The following PPP1R13B variants were observed in gnomAD, a reference collection of about 807,000 sequenced individuals.
PPP1R13B encodes protein phosphatase 1 regulatory subunit 13B.
A neutral mutation model predicts 119.8 loss-of-function variants in PPP1R13B; 44 were observed. The ratio of observed to expected loss-of-function variants is 0.37; its 90% CI spans 0.29 to 0.47. The LOEUF (loss-of-function observed/expected upper bound fraction) is 0.47, where lower values mean the gene tolerates loss of function less well. PPP1R13B is among the 20% of genes least tolerant of loss of function. The pLI is 0.99. For synonymous variants in PPP1R13B, 542 were observed against 561.5 expected (o/e 0.97, Z 0.49); for missense variants, 1,227 against 1,413.5 (o/e 0.87, Z 2.12).
chr14:103,829,815 T>C lies in PPP1R13B; in HGVS notation c.9+17484A>G, dbSNP rs150638294. 9.7e-4 allele frequency among the ~76,000 whole-genome samples: 147 copies of C among 152,224 alleles called. 3 individuals carry two copies. The East Asian group carries it at 0.021, about 22-fold the overall frequency. ...TTTTTTTTTAAACGCAGTCTCCCTC[T>C]GTCACCAGGCTGGAGTGCAGTGGCA... On this transcript the variant is annotated intron_variant, in intron 1 of 16. Coordinates refer to ENST00000202556, the MANE Select transcript of PPP1R13B (RefSeq NM_015316.3).
intron 4 of PPP1R13B, among the ~76,000 whole-genome samples, chr14:103,774,893 T>C (rs955189283): frequency 2.0e-5 from 3 of 152,228 alleles, no homozygotes; most frequent in Admixed American, 6.5e-5. Flanking sequence ...GTAACATCTT[T>C]GATGTGATGC....
At chr14:103,776,094 A>AT (rs1207670541) in intron 4 of PPP1R13B, among the ~76,000 whole-genome samples, 1 of 150,584 alleles carries the variant, frequency 6.6e-6, no homozygotes, top group African/African-American at 2.4e-5. Flanking sequence ...ATATACAAAT[A>AT]TTGTCAACCT....
chr14:103,734,758 G>A lies in PPP1R13B; in HGVS notation c.*396C>T, dbSNP rs758425754. 42 of 464,850 alleles carry A rather than the reference G, an allele frequency of 9.0e-5. No individual in the cohort carries two copies. The highest frequency in any genetic ancestry group is 1.3e-4 in the Non-Finnish European group (31 of 232,630). The allele number at this position is 464,850 out of a possible 1,614,324, so 28.8% of individuals were successfully genotyped here. ...CGGGGGGCAGGGCGGTCGCAGGGGA[G>A]CAGGCCTCACAGCGGCGGACAGTGT... On this transcript the variant is annotated 3_prime_UTR_variant, in exon 17 of 17. Transcript: ENST00000202556.
At chr14:103,836,298 G>A (rs934189205) in intron 1 of PPP1R13B, among the ~76,000 whole-genome samples, 3 of 151,176 alleles carry the variant, frequency 2.0e-5, no homozygotes, top group African/African-American at 4.9e-5. Context: ...CGCCTGCCTT[G>A]GCCTCCCAAA....
intron 1 of PPP1R13B, among the ~76,000 whole-genome samples, chr14:103,808,921 G>A (rs1015762655): frequency 6.6e-5 from 10 of 151,916 alleles, no homozygotes; most frequent in Non-Finnish European, 1.2e-4. Context: ...CAGGCTGAGC[G>A]CAGCAGCACC....
At chr14:103,755,367 T>A (rs1400417276) in intron 5 of PPP1R13B, among the ~76,000 whole-genome samples, 2 of 152,238 alleles carry the variant, frequency 1.3e-5, no homozygotes, top group African/African-American at 4.8e-5. Flanking sequence ...TTCAATTTGT[T>A]GTGATACTGA....
intron 3 of PPP1R13B, among the ~76,000 whole-genome samples, chr14:103,784,457 C>T (rs1173806203): frequency 6.6e-6 from 1 of 151,562 alleles, no homozygotes; most frequent in Non-Finnish European, 1.5e-5. Flanking sequence ...GTGGTGCACA[C>T]CTGTAGTCCC....
At chr14:103,832,179 CATT>C (rs931035451) in intron 1 of PPP1R13B, among the ~76,000 whole-genome samples, 1 of 151,824 alleles carries the variant, frequency 6.6e-6, no homozygotes, top group Non-Finnish European at 1.5e-5. Flanking sequence ...CTGTCTACAT[CATT>C]GATATTATTT....
At chr14:103,772,963 G>A (rs374838108) in intron 4 of PPP1R13B, among the ~76,000 whole-genome samples, 2 of 152,046 alleles carry the variant, frequency 1.3e-5, no homozygotes, top group East Asian at 1.9e-4. Context: ...CATTGAGCTC[G>A]GCCTATTTCT....
chr14:103,789,402 G>A (rs1416895140), intron 2 of PPP1R13B, among the ~76,000 whole-genome samples: 1 of 151,650 alleles, frequency 6.6e-6, no homozygotes, highest in Non-Finnish European at 1.5e-5. Context: ...ATTTAGTAGA[G>A]ATGGGGTTTC....
intron 1 of PPP1R13B, among the ~76,000 whole-genome samples, chr14:103,827,508 G>A (rs1002564650): frequency 3.2e-4 from 49 of 151,800 alleles, no homozygotes; most frequent in African/African-American, 1.1e-3. Context: ...CTTCTCCTCT[G>A]AATATTAGCC....
chr14:103,807,596 G>A (rs1039907129), intron 1 of PPP1R13B, among the ~76,000 whole-genome samples: 3 of 151,992 alleles, frequency 2.0e-5, no homozygotes, highest in Non-Finnish European at 2.9e-5. Context: ...CCGGGTTCAC[G>A]CCATTCTCCT....
chr14:103,839,730 T>C (rs1393106431), intron 1 of PPP1R13B, among the ~76,000 whole-genome samples: 3 of 151,784 alleles, frequency 2.0e-5, no homozygotes, highest in Non-Finnish European at 4.4e-5. Flanking sequence ...TGACTTCACC[T>C]CCTCCACTTT....
At chr14:103,817,972 T>A (rs1279183638) in intron 1 of PPP1R13B, among the ~76,000 whole-genome samples, 1 of 152,038 alleles carries the variant, frequency 6.6e-6, no homozygotes, top group Non-Finnish European at 1.5e-5. Flanking sequence ...CAGGAAATAA[T>A]CTTTACCCAA....
intron 1 of PPP1R13B, among the ~76,000 whole-genome samples, chr14:103,837,984 T>A (rs1340210426): frequency 6.6e-6 from 1 of 152,090 alleles, no homozygotes; most frequent in African/African-American, 2.4e-5. Context: ...CCAGGCATGG[T>A]GGCGCACACC....
At position 103,740,471 on chromosome 14, in the gene PPP1R13B, G is replaced by C; in HGVS notation, c.1945C>G (p.Pro649Ala). Residue 649 changes from proline to alanine, a missense_variant, in exon 12 of 17, where the codon CCT becomes GCT. By Grantham distance (27) the Pro-to-Ala change is conservative. Coordinates refer to ENST00000202556, the MANE Select transcript of PPP1R13B (RefSeq NM_015316.3). This position sits in a 1 kb window ranked among gnomAD's most constrained non-coding sequence, Gnocchi z 4.6. Reference sequence around the variant, plus strand: ...GGGGCGGCGGGGCCATCCTGCTCAGGCTCTTTCTCAGTACTTTCTGAAGGT... The same window carrying C: ...GGGGCGGCGGGGCCATCCTGCTCAGCCTCTTTCTCAGTACTTTCTGAAGGT... ...QPPSESTEKEPEQDGPAAPAD... is the reference protein window; with the variant it reads ...QPPSESTEKEAEQDGPAAPAD... 1 of 1,609,782 alleles carries C rather than the reference G, an allele frequency of 6.2e-7. No individual in the cohort carries two copies.
Position 103,742,055 on chromosome 14 carries a change from C to T in PPP1R13B, c.1557G>A (p.Gln519=), listed in dbSNP as rs1353863056. 1.9e-6 allele frequency: 3 copies of T among 1,614,076 alleles called. No homozygotes were observed. Among genetic ancestry groups the T allele is most frequent in the South Asian group, 2.2e-5 (2 of 91,092 alleles). The change falls in exon 11 of 17, where the codon CAG becomes CAA. Residue 519 remains glutamine, a synonymous_variant. Coordinates refer to ENST00000202556, the MANE Select transcript of PPP1R13B (RefSeq NM_015316.3). This position sits in a 1 kb window ranked among gnomAD's most constrained non-coding sequence, Gnocchi z 4.9. ...GACTTGGCGGTACGGAAATCCTCTG[C>T]TGAATCTGTTGTGAGGAGCCTGGCT... ...TPQPGSSQQI[Q]QRISVPPSPT... is the part of the protein sequence containing the mutation.
In PPP1R13B at chr14:103,748,286, C is replaced by T. The variant is rs112712039; in HGVS notation, c.969+1508G>A. On this transcript the variant is annotated intron_variant, in intron 8 of 16. Coordinates refer to ENST00000202556, the MANE Select transcript of PPP1R13B (RefSeq NM_015316.3). ...CAACATCTGAAATCATAAAGTTGTACAAATAAACTACTGATCTTTAAACTC... is the reference window on the plus strand; with the variant it reads ...CAACATCTGAAATCATAAAGTTGTATAAATAAACTACTGATCTTTAAACTC... Among the ~76,000 whole-genome samples the T allele has an allele frequency of 5.7e-3, 874 of 152,210 alleles. 11 individuals carry two copies. Among genetic ancestry groups the T allele is most frequent in the African/African-American group, 0.02 (840 of 41,534 alleles).
chr14:103,834,181 C>T (rs1478518625), intron 1 of PPP1R13B, among the ~76,000 whole-genome samples: 1 of 152,186 alleles, frequency 6.6e-6, no homozygotes, highest in Non-Finnish European at 1.5e-5. Context: ...TCAAGACCAG[C>T]CTGACCAACA....
Sources: allele counts gnomAD v4.1 joint callset (sites outside exome capture counted in the v4.1 genomes callset), GRCh38; gene constraint gnomAD v4.1.1; non-coding constraint Gnocchi (gnomAD v3.1); transcripts MANE v1.5; gene names NCBI Gene and HGNC (gene_info 2026-07-23, HGNC 2026-07-21).